Variants in MYBL2 observed in about 807,000 individuals in gnomAD.
The protein encoded by MYBL2 is myb-related protein B.
Under a neutral mutation model 79.9 loss-of-function variants are expected in MYBL2, and 28 were observed. That is an observed-to-expected ratio of 0.35 (90% CI 0.26 to 0.48). The LOEUF (loss-of-function observed/expected upper bound fraction) is 0.48. MYBL2 is among the 20% of genes least tolerant of loss of function. The pLI, the probability that MYBL2 is intolerant of heterozygous loss-of-function variation, is 0.99. For synonymous variants in MYBL2, 378 were observed against 361.2 expected, an observed-to-expected ratio of 1.05 and a Z score of -0.53; for missense variants, 735 against 893.9, an observed-to-expected ratio of 0.82 and a Z score of 2.27.
chr20:43,673,065 T>G (rs1239085073), intron 1 of MYBL2, among the ~76,000 whole-genome samples: 2 of 152,088 alleles, frequency 1.3e-5, no homozygotes, highest in Non-Finnish European at 2.9e-5. Context: ...TGCCTCAGCC[T>G]CCTGAGTAGC....
chr20:43,715,200 C>T lies in MYBL2; in HGVS notation c.1891C>T (p.Leu631Phe), dbSNP rs768047253. ...LSGIKEDNSLLNQGFLQAKPE... is the reference protein window; with the variant it reads ...LSGIKEDNSLFNQGFLQAKPE... The stretch of plus-strand genomic sequence containing the variant: ...AGGTATCAAAGAAGACAACAGCTTG[C>T]TCAACCAGGGCTTCTTGCAGGCCAA... Residue 631 changes from leucine to phenylalanine, a missense_variant, in exon 13 of 14, where the codon CTC (leucine) becomes TTC (phenylalanine). Coordinates refer to ENST00000217026, the MANE Select transcript of MYBL2 (RefSeq NM_002466.4). 3.7e-6 allele frequency: 6 copies of T among 1,614,262 alleles called. No homozygotes were observed. Among genetic ancestry groups the T allele is most frequent in the Non-Finnish European group, 4.2e-6 (5 of 1,180,054 alleles).
intron 3 of MYBL2, among the ~76,000 whole-genome samples, chr20:43,682,506 C>G (rs1987168089): frequency 6.6e-6 from 1 of 152,252 alleles, no homozygotes; most frequent in South Asian, 2.1e-4. Context: ...GCAGGGGTCC[C>G]TGACGTACAA....
intron 4 of MYBL2, among the ~76,000 whole-genome samples, chr20:43,685,959 C>T (rs1317542321): frequency 1.3e-5 from 2 of 152,054 alleles, no homozygotes; most frequent in Non-Finnish European, 2.9e-5. Flanking sequence ...ATCACTTGAA[C>T]CCGGAAGGCG....
At position 43,716,321 on chromosome 20, in the gene MYBL2, C is replaced by T; in HGVS notation, c.*234C>T. ...GTTCCACTTCCAGGTCTGCCTGGTT[C>T]CCTCCCCAAGGCCACAGGGAGCTCC... is the stretch of plus-strand genomic sequence containing the variant. On this transcript the variant is annotated 3_prime_UTR_variant, in exon 14 of 14. Coordinates refer to ENST00000217026, the MANE Select transcript of MYBL2 (RefSeq NM_002466.4). The T allele has an allele frequency of 1.7e-6, 1 of 581,786 alleles. No individual in the cohort carries two copies. 36.0% of individuals were successfully genotyped at this position (581,786 alleles called of 1,614,324 possible).
Position 43,702,831 on chromosome 20 carries a change from C to T in MYBL2, c.1293C>T (p.Ser431=). 1 of 1,613,714 alleles carries T rather than the reference C, an allele frequency of 6.2e-7. No individual in the cohort carries two copies. Among genetic ancestry groups the T allele is most frequent in the African/African-American group, 1.3e-5 (1 of 75,060 alleles). The change falls in exon 8 of 14, where the codon TCC becomes TCT. Residue 431 remains serine (S), a synonymous_variant. Transcript: ENST00000217026. ...TCACTGAGAATAGCACCAGTCTGTCCTTCCTGGATTCCTGTAACAGCCTCA... is the reference window on the plus strand; with the variant it reads ...TCACTGAGAATAGCACCAGTCTGTCTTTCCTGGATTCCTGTAACAGCCTCA... The part of the protein sequence containing the change: ...SPVTENSTSL[S]FLDSCNSLTP...
intron 5 of MYBL2, 116 bp downstream of exon 5, chr20:43,687,188 AG>A: frequency 9.2e-7 from 1 of 1,092,030 alleles, no homozygotes; most frequent in Admixed American, 2.3e-5. Flanking sequence ...TGTAACACCC[AG>A]CCTCGGCTCC....
intron 5 of MYBL2, among the ~76,000 whole-genome samples, chr20:43,691,862 A>T (rs1987419047): frequency 2.7e-5 from 4 of 150,834 alleles, no homozygotes; most frequent in Admixed American, 6.6e-5. Context: ...TTTTTTAATT[A>T]AAAAAAATTT....
At chr20:43,704,999 C>T (rs776395353) in intron 8 of MYBL2, among the ~76,000 whole-genome samples, 7 of 152,206 alleles carry the variant, frequency 4.6e-5, no homozygotes, top group Admixed American at 6.5e-5. Context: ...ATTAGGGTGA[C>T]GGAAGCCCAG....
intron 6 of MYBL2, among the ~76,000 whole-genome samples, chr20:43,695,005 C>T (rs975047541): frequency 6.6e-6 from 1 of 151,696 alleles, no homozygotes; most frequent in Non-Finnish European, 1.5e-5. Context: ...TGGGACCAAG[C>T]CCCAGACCAT....
intron 11 of MYBL2, among the ~76,000 whole-genome samples, chr20:43,712,095 G>A (rs1212560974): frequency 2.0e-5 from 3 of 151,912 alleles, no homozygotes; most frequent in African/African-American, 4.8e-5. Context: ...GCTGGGGGTG[G>A]GGGAGTGGGT....
In MYBL2 at chr20:43,686,875, T is replaced by C. The variant is rs753982134; in HGVS notation, c.303T>C (p.Tyr101=). The C allele has an allele frequency of 6.8e-6, 11 of 1,614,148 alleles. No individual in the cohort carries two copies. The highest frequency in any genetic ancestry group is 6.7e-5 in the Admixed American group (4 of 60,020). Residue 101 remains tyrosine, a synonymous_variant, in exon 5 of 14, where the codon TAT becomes TAC. Coordinates refer to ENST00000217026, the MANE Select transcript of MYBL2 (RefSeq NM_002466.4). ...DQKVIELVKK[Y]GTKQWTLIAK... is the part of the protein sequence containing the mutation. ...AGGTCATCGAGCTGGTTAAGAAGTA[T>C]GGCACAAAGCAGTGGACACTGATTG...
chr20:43,710,884 T>C (rs761990472), intron 10 of MYBL2, among the ~76,000 whole-genome samples: 21 of 152,128 alleles, frequency 1.4e-4, no homozygotes, highest in Non-Finnish European at 2.9e-5. Flanking sequence ...ATCTGCATGC[T>C]CTCCAAACAG....
chr20:43,688,641 C>T (rs1244798245), intron 5 of MYBL2, among the ~76,000 whole-genome samples: 1 of 152,034 alleles, frequency 6.6e-6, no homozygotes, highest in Non-Finnish European at 1.5e-5. Context: ...TGCCAGCATA[C>T]CCAGCTAGTT....
At chr20:43,698,439 G>A (rs1201509200) in intron 6 of MYBL2, among the ~76,000 whole-genome samples, 10 of 125,090 alleles carry the variant, frequency 8.0e-5, no homozygotes, top group African/African-American at 3.1e-4. Context: ...GTGCAGTGGC[G>A]CAGTCTCGGC....
intron 12 of MYBL2, among the ~76,000 whole-genome samples, chr20:43,714,400 G>C (rs909144408): frequency 2.0e-5 from 3 of 152,142 alleles, no homozygotes; most frequent in Non-Finnish European, 4.4e-5. Context: ...ACGTTATTGA[G>C]TATGTTATTA....
chr20:43,692,322 G>A lies in MYBL2; in HGVS notation c.663+3G>A, dbSNP rs189981012. 495 of 1,614,044 alleles carry A rather than the reference G, an allele frequency of 3.1e-4. No homozygotes were observed. Among genetic ancestry groups the A allele is most frequent in the Non-Finnish European group, 3.8e-4 (449 of 1,179,928 alleles). On this transcript the variant is annotated splice_donor_region_variant and intron_variant, in intron 6 of 13. Transcript: ENST00000217026. ...GTGCCCAGCCCACGGAAGGCCAGGT[G>A]AGACAGCTGCTCAGCCTTTGGCTTG...
At chr20:43,683,222 A>G (rs1260936696) in intron 4 of MYBL2, among the ~76,000 whole-genome samples, 1 of 152,198 alleles carries the variant, frequency 6.6e-6, no homozygotes, top group African/African-American at 2.4e-5. Context: ...GGTTCTGTAC[A>G]TTTGCTCTCA....
intron 6 of MYBL2, among the ~76,000 whole-genome samples, chr20:43,693,407 T>G (rs1987459615): frequency 6.6e-6 from 1 of 152,108 alleles, no homozygotes; most frequent in South Asian, 2.1e-4. Flanking sequence ...AGTTATATGA[T>G]AGCTCACTGC....
At chr20:43,706,621 G>A (rs1054238791) in intron 9 of MYBL2, among the ~76,000 whole-genome samples, 3 of 150,892 alleles carry the variant, frequency 2.0e-5, no homozygotes, top group Non-Finnish European at 4.4e-5. Flanking sequence ...TAATCCCAGC[G>A]CTTGGGAGGC....
Sources: allele counts gnomAD v4.1 joint callset (sites outside exome capture counted in the v4.1 genomes callset), GRCh38; gene constraint gnomAD v4.1.1; transcripts MANE v1.5; gene names NCBI Gene and HGNC (gene_info 2026-07-23, HGNC 2026-07-21).